POLR1D: variants seen among roughly 807,000 people sequenced by gnomAD.
POLR1D encodes RNA polymerase I and III subunit D.
A neutral mutation model predicts 10.8 loss-of-function variants in POLR1D; 8 were observed. The ratio of observed to expected loss-of-function variants is 0.74; its 90% CI spans 0.43 to 1.33. The LOEUF (loss-of-function observed/expected upper bound fraction) is 1.33. POLR1D is among the 40% of genes most tolerant of loss of function. The probability of loss-of-function intolerance (pLI) is 0.01; values close to 1 mark genes in which losing one functional copy is unlikely to be tolerated. For missense variants in POLR1D, 152 were observed against 161.7 expected (o/e 0.94, Z 0.32); for synonymous variants, 54 against 57.2 (o/e 0.94, Z 0.25).
At chr13:27,642,366 G>T (rs745326050) in intron 1 of POLR1D, among the ~76,000 whole-genome samples, 1 of 152,160 alleles carries the variant, frequency 6.6e-6, no homozygotes, top group South Asian at 2.1e-4. Flanking sequence ...CTAAGGATAC[G>T]TGTTGCTGTT....
At chr13:27,640,544 C>T (rs1227204931) in intron 1 of POLR1D, among the ~76,000 whole-genome samples, 1 of 152,154 alleles carries the variant, frequency 6.6e-6, no homozygotes, top group East Asian at 1.9e-4. Context: ...TCTTGCTTGT[C>T]ATATTATTTC....
At position 27,623,231 on chromosome 13, in the gene POLR1D, G is replaced by A. The variant is rs781403620; in HGVS notation, c.383G>A (p.Arg128Lys). The A allele has an allele frequency of 1.2e-6, 2 of 1,613,984 alleles. No homozygotes were observed. Among genetic ancestry groups the A allele is most frequent in the South Asian group, 1.1e-5 (1 of 90,976 alleles). Residue 128 changes from arginine to lysine, a missense_variant, in exon 2 of 2, where the codon AGA (arginine) becomes AAA (lysine). Coordinates refer to ENST00000302979, the MANE Select transcript of POLR1D (RefSeq NM_015972.4). Reference protein sequence around the residue: ...IKDYKDQKASRNESTF With the variant: ...IKDYKDQKASKNESTF The stretch of plus-strand genomic sequence containing the variant: ...GACTATAAGGATCAAAAAGCAAGCA[G>A]AAATGAATCCACATTCTAGTCCTTT...
intron 2 of POLR1D, among the ~76,000 whole-genome samples, chr13:27,652,267 C>A (rs1956273261): frequency 6.6e-6 from 1 of 152,172 alleles, no homozygotes; most frequent in Non-Finnish European, 1.5e-5. Context: ...ACTTTAGTAC[C>A]ACCTACTGGC....
intron 2 of POLR1D, chr13:27,665,524 G>T: frequency 5.9e-6 from 4 of 672,558 alleles, no homozygotes; most frequent in Admixed American, 4.9e-5. Flanking sequence ...TTCCTCCCTG[G>T]TACTCAGAGT....
chr13:27,635,872 A>G (rs634035), intron 1 of POLR1D, among the ~76,000 whole-genome samples: 43,713 of 151,644 alleles, frequency 0.29, 7,740 homozygotes, highest in Admixed American at 0.42. Context: ...ACTGGGACTC[A>G]TTTTCTCACC....
intron 2 of POLR1D, chr13:27,665,282 GT>G (rs994561022): frequency 1.6e-4 from 33 of 200,624 alleles, no homozygotes; most frequent in Middle Eastern, 2.2e-3. Flanking sequence ...GAAAGGAACA[GT>G]TTTCACTGTC....
intron 1 of POLR1D, among the ~76,000 whole-genome samples, chr13:27,629,550 G>T (rs539830316): frequency 1.3e-5 from 2 of 152,120 alleles, no homozygotes; most frequent in African/African-American, 4.8e-5. Flanking sequence ...AGTAGCCTGT[G>T]TATTTTTTTG....
chr13:27,621,815 GC>G, upstream of POLR1D: 1 of 642,856 alleles, frequency 1.6e-6, no homozygotes, highest in Middle Eastern at 2.7e-4. Flanking sequence ...CTCATGCCCC[GC>G]CCCGCGGCTG....
At chr13:27,647,364 A>G (rs1956229894) in intron 1 of POLR1D, among the ~76,000 whole-genome samples, 1 of 151,958 alleles carries the variant, frequency 6.6e-6, no homozygotes, top group Admixed American at 6.6e-5. Flanking sequence ...TTTTGATAAC[A>G]TCCCTCCAAA....
intron 2 of POLR1D, among the ~76,000 whole-genome samples, chr13:27,652,705 A>G (rs1374686560): frequency 6.6e-6 from 1 of 151,988 alleles, no homozygotes; most frequent in East Asian, 1.9e-4. Flanking sequence ...TCCCATCTCT[A>G]CTAAAAATAC....
At position 27,622,015 on chromosome 13, in the gene POLR1D, G is replaced by C. The variant is rs766253130; in HGVS notation, c.26+6G>C. The C allele has an allele frequency of 1.3e-6, 2 of 1,586,482 alleles. No homozygotes were observed. Among genetic ancestry groups the C allele is most frequent in the Non-Finnish European group, 1.7e-6 (2 of 1,166,602 alleles). The stretch of plus-strand genomic sequence containing the variant: ...GAGGATCAGGAGCTGGAGAGGTAAC[G>C]GCCGAGGAGGAGGCGGGCGGAGCGG... On this transcript the variant is annotated splice_donor_region_variant and intron_variant, in intron 1 of 1. Coordinates refer to ENST00000302979, the MANE Select transcript of POLR1D (RefSeq NM_015972.4).
chr13:27,624,647 G>A (rs574233607), downstream of POLR1D, among the ~76,000 whole-genome samples: 30 of 152,240 alleles, frequency 2.0e-4, no homozygotes, highest in South Asian at 6.2e-3. Context: ...TCACACCTGG[G>A]AAGCCAAGGT....
chr13:27,665,968 C>T (rs1956413737), exon 3 of POLR1D: 2 of 1,612,888 alleles, frequency 1.2e-6, no homozygotes, highest in Non-Finnish European at 1.7e-6. Flanking sequence ...GGAACCAGGG[C>T]CAGCCAGCCC....
chr13:27,622,698 A>G, intron 1 of POLR1D, 177 bp from the exon 2 acceptor site: 1 of 594,970 alleles, frequency 1.7e-6, no homozygotes, highest in Non-Finnish European at 3.0e-6. Flanking sequence ...ACTGGAGGCA[A>G]TAAATTAAAT....
intron 1 of POLR1D, among the ~76,000 whole-genome samples, chr13:27,635,603 A>G (rs888304722): frequency 4.6e-5 from 7 of 151,764 alleles, no homozygotes; most frequent in African/African-American, 1.4e-4. Context: ...TCAATAGTCT[A>G]TCTATGATTA....
intron 1 of POLR1D, among the ~76,000 whole-genome samples, chr13:27,644,129 C>T (rs1304347980): frequency 3.9e-5 from 6 of 152,156 alleles, no homozygotes; most frequent in Non-Finnish European, 7.4e-5. Flanking sequence ...TGGCTGACTC[C>T]ATCATTTTTG....
chr13:27,635,324 A>G (rs1956112376), intron 1 of POLR1D, among the ~76,000 whole-genome samples: 1 of 152,108 alleles, frequency 6.6e-6, no homozygotes, highest in Non-Finnish European at 1.5e-5. Context: ...ATCATCCTCA[A>G]AATATAGAAA....
intron 1 of POLR1D, among the ~76,000 whole-genome samples, chr13:27,634,675 C>CT (rs369618281): frequency 0.2 from 25,559 of 124,910 alleles, 2,835 homozygotes; most frequent in Middle Eastern, 0.33. Context: ...ATAGACTCTG[C>CT]TTTTTTTTTT....
intron 1 of POLR1D, chr13:27,622,494 T>G: frequency 3.3e-6 from 1 of 300,008 alleles, no homozygotes; most frequent in Non-Finnish European, 6.3e-6. Flanking sequence ...GTATCCTCTA[T>G]TTTTATACTA....
Sources: gnomAD v4.1 joint callset for allele counts (sites outside exome capture counted in the v4.1 genomes callset) on GRCh38, gnomAD v4.1.1 for gene constraint, MANE v1.5 for transcripts, NCBI Gene and HGNC (gene_info 2026-07-23, HGNC 2026-07-21) for gene names.